RAI14: variants seen among roughly 807,000 people sequenced by gnomAD.
RAI14 encodes the protein ankycorbin.
RAI14 carries 45 observed loss-of-function variants against 115.4 expected under a neutral mutation model. That is an observed-to-expected ratio of 0.39 (90% CI 0.31 to 0.50). The LOEUF (loss-of-function observed/expected upper bound fraction) is 0.50, where lower values mean the gene tolerates loss of function less well. RAI14 is among the 20% of genes least tolerant of loss of function. The pLI is 0.85. For synonymous variants in RAI14, 371 were observed against 415.4 expected (o/e 0.89, Z 1.30); for missense variants, 939 against 1,131.2 (o/e 0.83, Z 2.44).
chr5:34,726,178 G>A (rs1412012817), intron 2 of RAI14, among the ~76,000 whole-genome samples: 4 of 152,096 alleles, frequency 2.6e-5, no homozygotes, highest in Non-Finnish European at 4.4e-5. Flanking sequence ...CCAGGAGTTT[G>A]AGACCAGCCC....
Position 34,812,177 on chromosome 5 carries a change from T to C in RAI14, c.737-3T>C. 1.3e-6 allele frequency: 2 copies of C among 1,579,052 alleles called. No individual in the cohort carries two copies. The highest frequency in any genetic ancestry group is 1.7e-5 in the Admixed American group (1 of 58,220). ...GTTCTTTTTTTCACTTTTTCCTCTA[T>C]AGATTTAAAGACCCCAACAAAACCA... is the stretch of plus-strand genomic sequence containing the variant. On this transcript the variant is annotated splice_polypyrimidine_tract_variant and splice_region_variant and intron_variant, in intron 9 of 17. Transcript: ENST00000265109.
intron 3 of RAI14, among the ~76,000 whole-genome samples, chr5:34,784,573 A>C (rs967811354): frequency 6.6e-6 from 1 of 152,192 alleles, no homozygotes; most frequent in Non-Finnish European, 1.5e-5. Flanking sequence ...TTCCTATCAT[A>C]GTAGTGATTT....
Position 34,830,907 on chromosome 5 carries a change from G to A in RAI14, c.*142G>A. 1 of 1,440,092 alleles carries A rather than the reference G, an allele frequency of 6.9e-7. No homozygotes were observed. Among genetic ancestry groups the A allele is most frequent in the East Asian group, 2.6e-5 (1 of 38,974 alleles). The allele number at this position is 1,440,092 out of a possible 1,614,324, so 89.2% of individuals were successfully genotyped here. ...TTCTTCCCTTTCCAAAGGTTTCTGA[G>A]GACTTCTCCCAGGAGAAGACTGCCC... On this transcript the variant is annotated 3_prime_UTR_variant, in exon 18 of 18. Coordinates refer to ENST00000265109, the MANE Select transcript of RAI14 (RefSeq NM_015577.3).
intron 3 of RAI14, among the ~76,000 whole-genome samples, chr5:34,789,772 C>T (rs1752712895): frequency 6.6e-6 from 1 of 152,184 alleles, no homozygotes. Flanking sequence ...TTTCACGCTT[C>T]ACCCTTTATG....
intron 1 of RAI14, among the ~76,000 whole-genome samples, chr5:34,679,627 T>C (rs1042486957): frequency 4.6e-5 from 7 of 152,086 alleles, no homozygotes; most frequent in African/African-American, 1.7e-4. Flanking sequence ...GACCCTAACG[T>C]TGCATTATTG....
At chr5:34,740,179 G>A (rs764811477) in intron 2 of RAI14, among the ~76,000 whole-genome samples, 1 of 152,126 alleles carries the variant, frequency 6.6e-6, no homozygotes, top group South Asian at 2.1e-4. Flanking sequence ...AGGATGCCCT[G>A]GAAATAAAGT....
intron 1 of RAI14, among the ~76,000 whole-genome samples, chr5:34,659,304 G>A (rs1423183980): frequency 6.6e-6 from 1 of 152,200 alleles, no homozygotes; most frequent in African/African-American, 2.4e-5. Context: ...GTCTCGCTCT[G>A]TCACCCAGGC....
intron 2 of RAI14, among the ~76,000 whole-genome samples, chr5:34,696,786 C>G (rs1284482207): frequency 6.6e-6 from 1 of 152,186 alleles, no homozygotes; most frequent in East Asian, 1.9e-4. Context: ...TGGTAGAAGT[C>G]TGTTGCAGCA....
intron 2 of RAI14, among the ~76,000 whole-genome samples, chr5:34,732,254 G>A (rs971759469): frequency 7.9e-5 from 12 of 152,116 alleles, no homozygotes; most frequent in Admixed American, 5.2e-4. Flanking sequence ...CCTTGCCCAG[G>A]AGGGGTTTTA....
chr5:34,708,394 G>A (rs546898805), intron 2 of RAI14, among the ~76,000 whole-genome samples: 1 of 152,052 alleles, frequency 6.6e-6, no homozygotes, highest in Non-Finnish European at 1.5e-5. Context: ...TAGAGACAGG[G>A]TTTCTCCACG....
Position 34,821,786 on chromosome 5 carries a change from C to T in RAI14, c.1049C>T (p.Ser350Phe). 2 of 1,612,840 alleles carry T rather than the reference C, an allele frequency of 1.2e-6. No individual in the cohort carries two copies. The highest frequency in any genetic ancestry group is 2.2e-5 in the East Asian group (1 of 44,772). Reference sequence around the variant, plus strand: ...GAAGCTGACCAACAAGATCTTCTCTCTCTATTGCAAGCAAAAGTTGCTTCC... The same window carrying T: ...GAAGCTGACCAACAAGATCTTCTCTTTCTATTGCAAGCAAAAGTTGCTTCC... ...SSEADQQDLL[S>F]LLQAKVASLT... is the part of the protein sequence containing the mutation. The change falls in exon 14 of 18, where the codon TCT becomes TTT. Residue 350 changes from serine to phenylalanine, a missense_variant. Ser to Phe is a radical substitution (Grantham distance 155). Coordinates refer to ENST00000265109, the MANE Select transcript of RAI14 (RefSeq NM_015577.3).
At chr5:34,797,704 A>G (rs1648461020) in intron 4 of RAI14, among the ~76,000 whole-genome samples, 1 of 152,200 alleles carries the variant, frequency 6.6e-6, no homozygotes, top group African/African-American at 2.4e-5. Flanking sequence ...TCATCTTTAA[A>G]CTCAAGACCC....
chr5:34,705,582 A>T lies in RAI14; in HGVS notation c.36+18627A>T, dbSNP rs1167427986. 3.9e-5 allele frequency among the ~76,000 whole-genome samples: 6 copies of T among 152,130 alleles called. No homozygotes were observed. In the East Asian group the frequency reaches 1.2e-3, roughly 29 times the overall value. On this transcript the variant is annotated intron_variant, in intron 2 of 17. Coordinates refer to ENST00000265109, the MANE Select transcript of RAI14 (RefSeq NM_015577.3). ...TTAACATAAACAGATGTGAGCCTTT[A>T]TACCCAGGAGTCACCAGCCCCCCTG...
chr5:34,792,777 T>C (rs1401105893), intron 3 of RAI14, among the ~76,000 whole-genome samples: 1 of 151,796 alleles, frequency 6.6e-6, no homozygotes, highest in Admixed American at 6.5e-5. Context: ...AATGAGCTGT[T>C]TCTAGTTATT....
intron 1 of RAI14, among the ~76,000 whole-genome samples, chr5:34,661,092 G>C (rs1456081238): frequency 6.6e-6 from 1 of 152,200 alleles, no homozygotes; most frequent in Non-Finnish European, 1.5e-5. Context: ...GGGACCAGAA[G>C]TGTTTCAGAT....
intron 3 of RAI14, among the ~76,000 whole-genome samples, chr5:34,768,060 C>G (rs1749650356): frequency 6.6e-6 from 1 of 152,108 alleles, no homozygotes; most frequent in Admixed American, 6.5e-5. Context: ...CCTGGAAAAG[C>G]TGTAGACACT....
intron 15 of RAI14, 109 bp from the exon 16 acceptor site, chr5:34,826,214 AAAGTCTT>A: frequency 3.3e-6 from 3 of 919,354 alleles, no homozygotes; most frequent in Non-Finnish European, 4.7e-6. Context: ...GAATTGTTCC[AAAGTCTT>A]AAGTCCCAGA....
At chr5:34,697,023 C>G (rs1739333971) in intron 2 of RAI14, among the ~76,000 whole-genome samples, 1 of 152,040 alleles carries the variant, frequency 6.6e-6, no homozygotes, top group African/African-American at 2.4e-5. Flanking sequence ...CCCAGCTACT[C>G]AGGAGGCTGA....
chr5:34,783,903 C>T (rs972723552), intron 3 of RAI14, among the ~76,000 whole-genome samples: 2 of 152,182 alleles, frequency 1.3e-5, no homozygotes, highest in Non-Finnish European at 2.9e-5. Flanking sequence ...TTAACACAGG[C>T]AGAAGACTCT....
Sources: allele counts gnomAD v4.1 joint callset (sites outside exome capture counted in the v4.1 genomes callset), GRCh38; gene constraint gnomAD v4.1.1; transcripts MANE v1.5; gene names NCBI Gene and HGNC (gene_info 2026-07-23, HGNC 2026-07-21).